The following PCDHGA3 variants were observed in gnomAD, a reference collection of about 807,000 sequenced individuals.
PCDHGA3 encodes the protein protocadherin gamma subfamily A, 3, also known as protocadherin gamma-A3.
A neutral mutation model predicts 58.5 loss-of-function variants in PCDHGA3; 40 were observed. The observed-to-expected ratio is 0.68, with a 90% confidence interval of 0.53 to 0.89. The LOEUF (loss-of-function observed/expected upper bound fraction) is 0.89. Among genes scored for constraint, PCDHGA3 ranks in the 40% least tolerant of loss-of-function variants. The pLI is 0.00. For missense variants in PCDHGA3, 1,223 were observed against 1,195.9 expected (o/e 1.02, Z -0.33); for synonymous variants, 530 against 525.7 (o/e 1.01, Z -0.11).
At chr5:141,372,231 G>C (rs868293386) in intron 1 of PCDHGA3, 4 of 1,613,256 alleles carry the variant, frequency 2.5e-6, no homozygotes, top group Non-Finnish European at 3.4e-6. Context: ...GCAGGCCAGC[G>C]AGCCCGGGCT....
chr5:141,452,830 T>A (rs2098749929), intron 1 of PCDHGA3, among the ~76,000 whole-genome samples: 1 of 152,166 alleles, frequency 6.6e-6, no homozygotes, highest in South Asian at 2.1e-4. Context: ...CAAAATCACT[T>A]GGTCCAGCCC....
At position 141,370,514 on chromosome 5, in the gene PCDHGA3, G is replaced by T. The variant is rs1295709231; in HGVS notation, c.2424+24057G>T. 3 of 1,613,776 alleles carry T rather than the reference G, an allele frequency of 1.9e-6. No individual in the cohort carries two copies. The African/African-American group carries it at 4.0e-5, about 22-fold the overall frequency. On this transcript the variant is annotated intron_variant, in intron 1 of 3. Coordinates refer to ENST00000253812, the MANE Select transcript of PCDHGA3 (RefSeq NM_018916.4). ...CGATCCGCTACGCTATTCCCGAGGAGCTGGACAGGGGCTCGCTGGTAGGGA... is the reference window on the plus strand; with the variant it reads ...CGATCCGCTACGCTATTCCCGAGGATCTGGACAGGGGCTCGCTGGTAGGGA...
Position 141,475,971 on chromosome 5 carries a change from C to G in PCDHGA3, c.2425-18836C>G, listed in dbSNP as rs750016455. On this transcript the variant is annotated intron_variant, in intron 1 of 3. Coordinates refer to ENST00000253812, the MANE Select transcript of PCDHGA3 (RefSeq NM_018916.4). The stretch of plus-strand genomic sequence containing the variant: ...TCTGCGCCCCGGGATGAGGCAGAGA[C>G]TGAACAGCCGGCGAGCAAATCAACG... 2.5e-5 allele frequency: 24 copies of G among 954,292 alleles called. No individual in the cohort carries two copies. In the African/African-American group the frequency reaches 3.4e-4, roughly 14 times the overall value. 59.1% of individuals were successfully genotyped at this position (954,292 alleles called of 1,614,324 possible). A position where few individuals can be genotyped will look rare whatever the true frequency, so the allele number is the denominator to read the frequency against.
At chr5:141,398,511 C>A in intron 1 of PCDHGA3, 1 of 1,595,066 alleles carries the variant, frequency 6.3e-7, no homozygotes, top group Non-Finnish European at 8.5e-7. Flanking sequence ...ACATTAATGA[C>A]CACACGCCAA....
rs769461165 is a variant in PCDHGA3, at chr5:141,491,293, C to G, written c.2425-3514C>G. 2 of 1,614,048 alleles carry G rather than the reference C, an allele frequency of 1.2e-6. No individual in the cohort carries two copies. Among genetic ancestry groups the G allele is most frequent in the Admixed American group, 3.3e-5 (2 of 60,008 alleles). ...ATCCAGTGACTTCCTCATACACCCT[C>G]CTGAGCGTTCAGACCTTACCCTTTA... On this transcript the variant is annotated intron_variant, in intron 1 of 3. Coordinates refer to ENST00000253812, the MANE Select transcript of PCDHGA3 (RefSeq NM_018916.4). This position sits in a 1 kb window ranked among gnomAD's most constrained non-coding sequence, Gnocchi z 6.9.
intron 1 of PCDHGA3, chr5:141,371,334 A>G (rs1767674983): frequency 3.1e-6 from 5 of 1,613,888 alleles, no homozygotes; most frequent in Non-Finnish European, 4.2e-6. Context: ...AGAGAGAGAT[A>G]GCTACACAAT....
At position 141,491,462 on chromosome 5, in the gene PCDHGA3, T is replaced by C; in HGVS notation, c.2425-3345T>C. 1.2e-6 allele frequency: 2 copies of C among 1,614,004 alleles called. No individual in the cohort carries two copies. The highest frequency in any genetic ancestry group is 1.7e-6 in the Non-Finnish European group (2 of 1,179,978). ...CGCCAGGACTCACCCTCCCCGGACT[T>C]CTATAAGCAGTCCAGCCCCAACCTG... On this transcript the variant is annotated intron_variant, in intron 1 of 3. Coordinates refer to ENST00000253812, the MANE Select transcript of PCDHGA3 (RefSeq NM_018916.4). This position sits in a 1 kb window ranked among gnomAD's most constrained non-coding sequence, Gnocchi z 6.9.
chr5:141,494,678 G>A, intron 1 of PCDHGA3, 129 bp from the exon 2 acceptor site: 1 of 1,554,384 alleles, frequency 6.4e-7, no homozygotes, highest in Non-Finnish European at 8.7e-7. Flanking sequence ...GTCCACCCCT[G>A]CCCCCTCTTA....
At chr5:141,394,727 C>A in intron 1 of PCDHGA3, 1 of 1,613,436 alleles carries the variant, frequency 6.2e-7, no homozygotes, top group East Asian at 2.2e-5. Flanking sequence ...GAGATGCGCT[C>A]AAGCAGAGCC....
At chr5:141,404,328 T>G (rs1300173055) in intron 1 of PCDHGA3, 3 of 1,613,902 alleles carry the variant, frequency 1.9e-6, no homozygotes, top group Non-Finnish European at 2.5e-6. Flanking sequence ...TCCTACTCAG[T>G]CTACCTCCCG....
chr5:141,391,196 T>C (rs887079701), intron 1 of PCDHGA3: 1 of 152,158 alleles, frequency 6.6e-6, no homozygotes, highest in Non-Finnish European at 1.5e-5. Flanking sequence ...ACAAAATATA[T>C]ACAAAATACC....
At chr5:141,388,734 G>C in intron 1 of PCDHGA3, 1 of 1,614,018 alleles carries the variant, frequency 6.2e-7, no homozygotes, top group Non-Finnish European at 8.5e-7. Flanking sequence ...TTTCAGTGAA[G>C]CTAGCCAGAT....
At chr5:141,350,650 C>A (rs374865865) in intron 1 of PCDHGA3, 12 of 1,613,902 alleles carry the variant, frequency 7.4e-6, no homozygotes, top group African/African-American at 4.0e-5. Flanking sequence ...CACCACGTTT[C>A]GTTGCAAAAG....
Position 141,487,660 on chromosome 5 carries a change from T to C in PCDHGA3, c.2425-7147T>C. Reference sequence around the variant, plus strand: ...AACAAATGCTTGAGGGTTATTCTGATCCAGGCATATGGCTAGGCCATGTCC... The same window carrying C: ...AACAAATGCTTGAGGGTTATTCTGACCCAGGCATATGGCTAGGCCATGTCC... On this transcript the variant is annotated intron_variant, in intron 1 of 3. Coordinates refer to ENST00000253812, the MANE Select transcript of PCDHGA3 (RefSeq NM_018916.4). The surrounding 1 kb of genome is among the most constrained non-coding windows in gnomAD (Gnocchi z 5.0). The C allele has an allele frequency of 6.2e-7, 1 of 1,613,442 alleles. No homozygotes were observed. The highest frequency in any genetic ancestry group is 8.5e-7 in the Non-Finnish European group (1 of 1,179,710).
At chr5:141,403,776 G>A (rs1312851147) in intron 1 of PCDHGA3, 1 of 1,613,926 alleles carries the variant, frequency 6.2e-7, no homozygotes, top group East Asian at 2.2e-5. Flanking sequence ...GGAATCAACG[G>A]AAAAGTGGCA....
chr5:141,413,723 C>G, intron 1 of PCDHGA3: 1 of 1,613,552 alleles, frequency 6.2e-7, no homozygotes, highest in Non-Finnish European at 8.5e-7. Context: ...AAGCACTTCT[C>G]CCTAAGAGTT....
chr5:141,373,942 G>A (rs915722802), intron 1 of PCDHGA3: 1 of 734,324 alleles, frequency 1.4e-6, no homozygotes, highest in African/African-American at 1.8e-5. Flanking sequence ...CAGGAAAGCT[G>A]TGCAGAAATT....
intron 1 of PCDHGA3, among the ~76,000 whole-genome samples, chr5:141,363,289 T>C (rs537756758): frequency 6.6e-5 from 10 of 152,254 alleles, no homozygotes; most frequent in Non-Finnish European, 1.5e-4. Flanking sequence ...CCTAATTATA[T>C]AGAATTTTTA....
At chr5:141,400,665 G>C (rs1463001564) in intron 1 of PCDHGA3, 5 of 984,364 alleles carry the variant, frequency 5.1e-6, no homozygotes, top group Non-Finnish European at 7.6e-6. Flanking sequence ...CATTCTTTAA[G>C]AGGAGCAGTA....
Sources: allele counts gnomAD v4.1 joint callset (sites outside exome capture counted in the v4.1 genomes callset), GRCh38; gene constraint gnomAD v4.1.1; non-coding constraint Gnocchi (gnomAD v3.1); transcripts MANE v1.5; gene names NCBI Gene and HGNC (gene_info 2026-07-23, HGNC 2026-07-21).